The following SH3BP2 variants were observed in gnomAD, a reference collection of about 807,000 sequenced individuals.
The protein encoded by SH3BP2 is SH3 domain binding protein 2.
In SH3BP2, 38 loss-of-function variants were observed where a neutral mutation model predicts 56.2. That is an observed-to-expected ratio of 0.68 (90% CI 0.52 to 0.89). The LOEUF (loss-of-function observed/expected upper bound fraction) is 0.89, where lower values mean the gene tolerates loss of function less well. Among genes scored for constraint, SH3BP2 ranks in the 40% least tolerant of loss-of-function variants. The probability of loss-of-function intolerance (pLI) is 0.00; values close to 1 mark genes in which losing one functional copy is unlikely to be tolerated. For missense variants in SH3BP2, 748 were observed against 762.6 expected (o/e 0.98, Z 0.23); for synonymous variants, 346 against 316.7 (o/e 1.09, Z -0.98).
At chr4:2,827,778 G>A (rs540413018) in intron 7 of SH3BP2, 104 bp downstream of exon 7, 15 of 945,040 alleles carry the variant, frequency 1.6e-5, no homozygotes, top group East Asian at 1.0e-4. Flanking sequence ...CCCAGGTACC[G>A]CTCTGGGTGG....
chr4:2,827,369 T>C, intron 6 of SH3BP2, 51 bp downstream of exon 6: 1 of 1,510,282 alleles, frequency 6.6e-7, no homozygotes, highest in Non-Finnish European at 9.2e-7. Context: ...CCACCTGGCC[T>C]CCTCTTGGCC....
rs994074657 is a variant in SH3BP2 at position 2,812,157 on chromosome 4, G to T, written c.-4-8457G>T. 29 of 1,422,140 alleles carry T rather than the reference G, an allele frequency of 2.0e-5. No individual in the cohort carries two copies. The African/African-American group carries it at 4.0e-4, about 20-fold the overall frequency. The allele number at this position is 1,422,140 out of a possible 1,614,324, so 88.1% of individuals were successfully genotyped here. ...TTAAAACCCGGATGGTGGATGAGGG[G>T]CAGCCCTGGGCCCCAGGCAGCTTTC... On this transcript the variant is annotated intron_variant, in intron 1 of 12. Transcript: ENST00000503393.
chr4:2,793,597 C>T (rs968468294), intron 1 of SH3BP2: 2 of 151,582 alleles, frequency 1.3e-5, no homozygotes, highest in African/African-American at 4.8e-5. Flanking sequence ...GCCCCTCTGG[C>T]CCCGCGGCGG....
Position 2,838,905 on chromosome 4 carries a change from T to C in SH3BP2, c.*5071T>C, listed in dbSNP as rs1469415869. The C allele has an allele frequency of 6.6e-6, 1 of 152,212 alleles. No homozygotes were observed. Among genetic ancestry groups the C allele is most frequent in the Non-Finnish European group, 1.5e-5 (1 of 68,026 alleles). 9.4% of individuals were successfully genotyped at this position (152,212 alleles called of 1,614,324 possible). A position where few individuals can be genotyped will look rare whatever the true frequency, so the allele number is the denominator to read the frequency against. ...ACTCAGGAGTCTGACTCCTGGGTTC[T>C]AGGGTATGAAGATCTTTCTAAATAT... On this transcript the variant is annotated 3_prime_UTR_variant, in exon 13 of 13. Transcript: ENST00000503393.
chr4:2,808,750 C>T (rs1394231191), intron 1 of SH3BP2, among the ~76,000 whole-genome samples: 1 of 151,568 alleles, frequency 6.6e-6, no homozygotes, highest in Admixed American at 6.6e-5. Flanking sequence ...GGGGTGCCCG[C>T]CTTCCCCCAG....
At chr4:2,803,584 G>A (rs917842865) in intron 1 of SH3BP2, among the ~76,000 whole-genome samples, 6 of 152,200 alleles carry the variant, frequency 3.9e-5, no homozygotes, top group Non-Finnish European at 7.4e-5. Context: ...GAGCCCAGGC[G>A]TGAATGGTGC....
intron 1 of SH3BP2, chr4:2,812,417 G>A: frequency 6.5e-7 from 1 of 1,550,300 alleles, no homozygotes; most frequent in Non-Finnish European, 8.7e-7. Flanking sequence ...CTGGGCCCCA[G>A]GACACCGGCC....
intron 1 of SH3BP2, among the ~76,000 whole-genome samples, chr4:2,815,995 A>G (rs985798644): frequency 1.3e-5 from 2 of 152,174 alleles, no homozygotes; most frequent in Admixed American, 6.5e-5. Flanking sequence ...AGTATATAGA[A>G]ATAGAATTGA....
At chr4:2,823,204 G>T (rs912067259) in intron 3 of SH3BP2, among the ~76,000 whole-genome samples, 167 bp downstream of exon 3, 1 of 152,160 alleles carries the variant, frequency 6.6e-6, no homozygotes, top group African/African-American at 2.4e-5. Context: ...ACAGTGCCTC[G>T]CCCTCTCCGC....
rs558267103 is a variant in SH3BP2 at position 2,796,780 on chromosome 4, C to G, written c.-5+3642C>G. 2.0e-5 allele frequency: 3 copies of G among 152,456 alleles called. No homozygotes were observed. The East Asian group carries it at 5.8e-4, about 29-fold the overall frequency. The allele number at this position is 152,456 out of a possible 1,614,324, so 9.4% of individuals were successfully genotyped here. ...AGCCTGCAGAGGGAGGCCAGCTCCC[C>G]ACCCCAGGGTCAGCCAGGCTGGCAG... is the stretch of plus-strand genomic sequence containing the variant. On this transcript the variant is annotated intron_variant, in intron 1 of 12. Coordinates refer to ENST00000503393, the MANE Select transcript of SH3BP2 (RefSeq NM_001122681.2).
intron 1 of SH3BP2, among the ~76,000 whole-genome samples, chr4:2,802,125 G>A (rs776073323): frequency 2.2e-4 from 33 of 152,036 alleles, no homozygotes; most frequent in Non-Finnish European, 3.4e-4. Flanking sequence ...GGGGCCGGGC[G>A]CAGTGGCTCA....
chr4:2,830,015 A>G lies in SH3BP2; in HGVS notation c.1109A>G (p.Glu370Gly), dbSNP rs1365187419. ...LKIAEEDPPR[E>G]AAMPGLFVPP... is the part of the protein sequence containing the mutation. ...ATAGCTGAAGAGGACCCCCCAAGGG[A>G]GGCAGCCATGCCCGGACTCTTTGTG... The change falls in exon 8 of 13, where the codon GAG (glutamate) becomes GGG (glycine). Residue 370 changes from glutamate (E) to glycine (G), a missense_variant. Physicochemically the swap from Glu to Gly is moderately conservative, Grantham distance 98 (BLOSUM62 -2). Around this residue, in one of 3 missense-constraint regions of SH3BP2, gnomAD observed 635 missense variants for 615.0 expected, o/e 1.03. Transcript: ENST00000503393. The G allele has an allele frequency of 6.2e-7, 1 of 1,612,944 alleles. No homozygotes were observed.
intron 1 of SH3BP2, among the ~76,000 whole-genome samples, chr4:2,813,011 A>G (rs1319576696): frequency 6.6e-6 from 1 of 152,216 alleles, no homozygotes; most frequent in East Asian, 1.9e-4. Flanking sequence ...CTGTGCTCGC[A>G]GAGCCCAGGC....
chr4:2,802,478 A>G (rs28522320), intron 1 of SH3BP2, among the ~76,000 whole-genome samples: 1 of 146,874 alleles, frequency 6.8e-6, no homozygotes, highest in African/African-American at 2.6e-5. Flanking sequence ...GTGTATGTGT[A>G]TATATATGTG....
Position 2,829,438 on chromosome 4 carries a change from G to A in SH3BP2, c.587-55G>A. ...GCCTGGCTGACCACTGCCAGCAGAG[G>A]ATAGTGTTGGCCCAGTCTCTGTCAG... On this transcript the variant is annotated intron_variant, in intron 7 of 12. Transcript: ENST00000503393. This position sits in a 1 kb window ranked among gnomAD's most constrained non-coding sequence, Gnocchi z 4.9. 1 of 1,586,490 alleles carries A rather than the reference G, an allele frequency of 6.3e-7. No homozygotes were observed. The highest frequency in any genetic ancestry group is 8.7e-7 in the Non-Finnish European group (1 of 1,155,708).
Position 2,831,817 on chromosome 4 carries a change from C to A in SH3BP2, c.1351-106C>A. The A allele has an allele frequency of 5.7e-6, 8 of 1,400,892 alleles. No individual in the cohort carries two copies. Among genetic ancestry groups the A allele is most frequent in the Non-Finnish European group, 8.0e-6 (8 of 1,004,306 alleles). 86.8% of individuals were successfully genotyped at this position (1,400,892 alleles called of 1,614,324 possible). ...AACCCGGGAGCCTAGGGGGACACAG[C>A]ACCATGTAAAGCCCCGGATCCCGGC... On this transcript the variant is annotated intron_variant, in intron 9 of 12. Coordinates refer to ENST00000503393, the MANE Select transcript of SH3BP2 (RefSeq NM_001122681.2). This position sits in a 1 kb window ranked among gnomAD's most constrained non-coding sequence, Gnocchi z 4.1.
At position 2,829,386 on chromosome 4, in the gene SH3BP2, G is replaced by T; in HGVS notation, c.587-107G>T. ...GCTGGGTGGGCAGGCTGTGGGGTGG[G>T]CCTACCATGGGTTGCACTCCTGGTT... On this transcript the variant is annotated intron_variant, in intron 7 of 12. Transcript: ENST00000503393. The surrounding 1 kb of genome is among the most constrained non-coding windows in gnomAD (Gnocchi z 4.9). 2 of 1,197,988 alleles carry T rather than the reference G, an allele frequency of 1.7e-6. No individual in the cohort carries two copies. The highest frequency in any genetic ancestry group is 2.5e-6 in the Non-Finnish European group (2 of 807,284). 74.2% of individuals were successfully genotyped at this position (1,197,988 alleles called of 1,614,324 possible). A position where few individuals can be genotyped will look rare whatever the true frequency, so the allele number is the denominator to read the frequency against.
intron 1 of SH3BP2, chr4:2,818,144 G>A (rs1407477225): frequency 1.0e-5 from 9 of 867,016 alleles, no homozygotes; most frequent in Non-Finnish European, 1.2e-5. Context: ...CGGGAGGGGC[G>A]CGCCGGGATC....
chr4:2,800,849 G>A (rs954556683), intron 1 of SH3BP2, among the ~76,000 whole-genome samples: 8 of 152,310 alleles, frequency 5.3e-5, no homozygotes, highest in East Asian at 1.9e-4. Flanking sequence ...GGTGGGGAAC[G>A]GCTGGAGGAA....
Sources: allele counts gnomAD v4.1 joint callset (sites outside exome capture counted in the v4.1 genomes callset), GRCh38; gene constraint gnomAD v4.1.1; regional missense constraint gnomAD v4.1.1; non-coding constraint Gnocchi (gnomAD v3.1); transcripts MANE v1.5; gene names NCBI Gene and HGNC (gene_info 2026-07-23, HGNC 2026-07-21).